Variants in SMARCA2 observed in about 807,000 individuals in gnomAD.
SMARCA2 encodes SWI/SNF related BAF chromatin remodeling complex subunit ATPase 2, also known as SWI/SNF-related matrix-associated actin-dependent regulator of chromatin subfamily A member 2.
SMARCA2 carries 61 observed loss-of-function variants against 199.8 expected under a neutral mutation model. The observed-to-expected ratio is 0.31, with a 90% CI of 0.25 to 0.38. The LOEUF (loss-of-function observed/expected upper bound fraction) is 0.38, where lower values mean the gene tolerates loss of function less well. Among genes scored for constraint, SMARCA2 ranks in the 10% least tolerant of loss-of-function variants. The probability of loss-of-function intolerance (pLI) is 1.00; values close to 1 mark genes in which losing one functional copy is unlikely to be tolerated. For synonymous variants in SMARCA2, 935 were observed against 732.0 expected, an observed-to-expected ratio of 1.28 and a Z score of -4.48; for missense variants, 1,344 against 2,012.2, an observed-to-expected ratio of 0.67 and a Z score of 6.35.
At chr9:2,172,107 T>C (rs1226809753) in intron 29 of SMARCA2, among the ~76,000 whole-genome samples, 2 of 152,186 alleles carry the variant, frequency 1.3e-5, no homozygotes, top group Admixed American at 1.3e-4. Flanking sequence ...CACTTCCTTT[T>C]CCCATAAGCC....
intron 29 of SMARCA2, among the ~76,000 whole-genome samples, chr9:2,172,952 T>G (rs980385255): frequency 6.6e-6 from 1 of 152,176 alleles, no homozygotes; most frequent in Non-Finnish European, 1.5e-5. Context: ...GAATGTTGTC[T>G]GGTAGTGGAG....
In SMARCA2 at chr9:2,047,421, T is replaced by G. The variant is rs929940392; in HGVS notation, c.983T>G (p.Ile328Ser). Residue 328 changes from isoleucine (I) to serine (S), a missense_variant, in exon 5 of 34, where the codon ATC becomes AGC. By Grantham distance (142) the Ile-to-Ser change is moderately radical. This residue lies in a region of SMARCA2 where 155 missense variants were observed against 260.0 expected (regional missense o/e 0.60). Transcript: ENST00000349721. ...VLQLQQKQSR[I>S]SPIQKPQGLD... Reference sequence around the variant, plus strand: ...CAGCTGCAGCAGAAGCAGAGCCGCATCAGCCCCATCCAGAAACCGCAAGGC... The same window carrying G: ...CAGCTGCAGCAGAAGCAGAGCCGCAGCAGCCCCATCCAGAAACCGCAAGGC... 6.9e-6 allele frequency: 11 copies of G among 1,588,974 alleles called. No homozygotes were observed. Among genetic ancestry groups the G allele is most frequent in the Non-Finnish European group, 9.4e-6 (11 of 1,168,884 alleles).
chr9:2,031,329 C>T (rs931238245), intron 2 of SMARCA2, among the ~76,000 whole-genome samples: 1 of 152,116 alleles, frequency 6.6e-6, no homozygotes, highest in Admixed American at 6.5e-5. Flanking sequence ...ACATCCAAGT[C>T]CTGAAATTGT....
At chr9:2,146,688 G>C (rs1016930104) in intron 27 of SMARCA2, among the ~76,000 whole-genome samples, 3 of 152,220 alleles carry the variant, frequency 2.0e-5, no homozygotes, top group Non-Finnish European at 2.9e-5. Flanking sequence ...GCCCATTTTT[G>C]TGGTGGTTTT....
intron 1 of SMARCA2, among the ~76,000 whole-genome samples, chr9:2,027,230 C>T (rs1201978601): frequency 2.0e-5 from 3 of 151,950 alleles, no homozygotes; most frequent in Non-Finnish European, 4.4e-5. Context: ...TCACTTGAGG[C>T]CAGGAGTTCA....
intron 28 of SMARCA2, chr9:2,162,627 A>C (rs536525962): frequency 6.6e-6 from 1 of 152,352 alleles, no homozygotes; most frequent in South Asian, 2.1e-4. Flanking sequence ...CTTTATTATC[A>C]CGTGGTAATG....
intron 21 of SMARCA2, among the ~76,000 whole-genome samples, chr9:2,099,665 G>C (rs950130315): frequency 6.6e-6 from 1 of 152,054 alleles, no homozygotes; most frequent in African/African-American, 2.4e-5. Flanking sequence ...ACAGTTATTG[G>C]CAAATCTATT....
intron 15 of SMARCA2, among the ~76,000 whole-genome samples, chr9:2,083,086 T>G (rs1041756887): frequency 6.6e-6 from 1 of 152,136 alleles, no homozygotes; most frequent in African/African-American, 2.4e-5. Flanking sequence ...ACAGTTTAGT[T>G]TTTTGCTCTC....
At chr9:2,132,584 C>CT (rs1824011895) in intron 27 of SMARCA2, among the ~76,000 whole-genome samples, 1 of 152,034 alleles carries the variant, frequency 6.6e-6, no homozygotes, top group African/African-American at 2.4e-5. Context: ...AACATGGACC[C>CT]TTTTTTCTTT....
chr9:2,074,736 G>A (rs1020134453), intron 12 of SMARCA2, among the ~76,000 whole-genome samples: 6 of 152,270 alleles, frequency 3.9e-5, no homozygotes, highest in African/African-American at 9.6e-5. Flanking sequence ...GCGTGGTGAC[G>A]CATGCCCGCA....
intron 9 of SMARCA2, among the ~76,000 whole-genome samples, chr9:2,062,252 T>C (rs1222587637): frequency 6.6e-6 from 1 of 152,210 alleles, no homozygotes; most frequent in Non-Finnish European, 1.5e-5. Context: ...TACTGACATA[T>C]TGATAGCAGA....
intron 1 of SMARCA2, among the ~76,000 whole-genome samples, chr9:2,026,183 A>G (rs1322474995): frequency 3.3e-5 from 5 of 152,198 alleles, no homozygotes; most frequent in Non-Finnish European, 7.3e-5. Context: ...GTCACGTTCT[A>G]TGAGAGTCCA....
Position 2,170,305 on chromosome 9 carries a change from C to G in SMARCA2, c.4200-114C>G. The G allele has an allele frequency of 7.8e-7, 1 of 1,289,942 alleles. No homozygotes were observed. Among genetic ancestry groups the G allele is most frequent in the East Asian group, 2.5e-5 (1 of 40,252 alleles). The allele number at this position is 1,289,942 out of a possible 1,614,324, so 79.9% of individuals were successfully genotyped here. On this transcript the variant is annotated intron_variant, in intron 28 of 33. Coordinates refer to ENST00000349721, the MANE Select transcript of SMARCA2 (RefSeq NM_003070.5). This position sits in a 1 kb window ranked among gnomAD's most constrained non-coding sequence, Gnocchi z 4.7. Reference sequence around the variant, plus strand: ...ACCCCGTGTAATCTTCCTAACAAGGCAGGTTGGTGAGGAGACTGAGGCTTG... The same window carrying G: ...ACCCCGTGTAATCTTCCTAACAAGGGAGGTTGGTGAGGAGACTGAGGCTTG...
intron 27 of SMARCA2, among the ~76,000 whole-genome samples, chr9:2,150,799 G>A (rs1336712898): frequency 6.6e-6 from 1 of 151,562 alleles, no homozygotes; most frequent in Non-Finnish European, 1.5e-5. Flanking sequence ...GTGTCAGCAG[G>A]TTTGGTTTCT....
At chr9:2,018,009 G>A (rs542872590) in intron 1 of SMARCA2, 1 of 152,278 alleles carries the variant, frequency 6.6e-6, no homozygotes, top group Non-Finnish European at 1.5e-5. Context: ...GCTGTTGCTT[G>A]TCAGTTCTTT....
chr9:2,090,753 C>T (rs150063241), intron 19 of SMARCA2, among the ~76,000 whole-genome samples: 1 of 152,138 alleles, frequency 6.6e-6, no homozygotes, highest in Non-Finnish European at 1.5e-5. Flanking sequence ...GTAGCCCCCC[C>T]ACATCTCTCT....
intron 1 of SMARCA2, among the ~76,000 whole-genome samples, chr9:2,027,285 T>A (rs1426771041): frequency 1.3e-5 from 2 of 151,228 alleles, no homozygotes; most frequent in Admixed American, 1.3e-4. Context: ...TTACAAAAGA[T>A]AAAAAAAATT....
At chr9:2,112,203 G>T (rs535742594) in intron 24 of SMARCA2, among the ~76,000 whole-genome samples, 3 of 152,262 alleles carry the variant, frequency 2.0e-5, no homozygotes, top group Admixed American at 6.5e-5. Flanking sequence ...GAAGGAAGAC[G>T]TGATGTGACT....
At chr9:2,179,432 T>A (rs982971699) in intron 29 of SMARCA2, among the ~76,000 whole-genome samples, 1 of 152,228 alleles carries the variant, frequency 6.6e-6, no homozygotes, top group Non-Finnish European at 1.5e-5. Flanking sequence ...GAGCCTTTAT[T>A]TTTTAAACAG....
Sources: gnomAD v4.1 joint callset for allele counts (sites outside exome capture counted in the v4.1 genomes callset) on GRCh38, gnomAD v4.1.1 for gene constraint, gnomAD v4.1.1 regional missense constraint, Gnocchi (gnomAD v3.1) non-coding constraint, MANE v1.5 for transcripts, NCBI Gene and HGNC (gene_info 2026-07-23, HGNC 2026-07-21) for gene names.